The following TPTE variants were observed in gnomAD, a reference collection of about 807,000 sequenced individuals.
TPTE encodes transmembrane phosphatase with tensin homology, also known as putative tyrosine-protein phosphatase TPTE.
A neutral mutation model predicts 84.1 loss-of-function variants in TPTE; 59 were observed. That is an observed-to-expected ratio of 0.70 (90% CI 0.57 to 0.87). The LOEUF is 0.87. Among genes scored for constraint, TPTE ranks in the 40% least tolerant of loss-of-function variants. TPTE has a pLI of 0.00. For synonymous variants in TPTE, 130 were observed against 223.5 expected (o/e 0.58, Z 3.73); for missense variants, 382 against 659.6 (o/e 0.58, Z 4.61).
intron 14 of TPTE, among the ~76,000 whole-genome samples, chr21:10,570,976 C>T (rs1407872695): frequency 2.0e-5 from 3 of 152,302 alleles, no homozygotes; most frequent in African/African-American, 4.8e-5. Flanking sequence ...AGGCCCATCC[C>T]ATCTGGCACC....
chr21:10,552,504 C>T (rs1165924322), intron 7 of TPTE, among the ~76,000 whole-genome samples, 153 bp from the exon 8 acceptor site: 1 of 152,304 alleles, frequency 6.6e-6, no homozygotes, highest in East Asian at 1.9e-4. Flanking sequence ...TTGTAATTTT[C>T]TCTCTTAAAT....
In TPTE at chr21:10,592,285, T is replaced by C; in HGVS notation, c.1090-8T>C. ...TGAACCATGGTTGGATTGTACCCTT[T>C]TTTGTAGGAAAGCCTGTATTATTTT... On this transcript the variant is annotated splice_polypyrimidine_tract_variant and splice_region_variant and intron_variant, in intron 18 of 23. Transcript: ENST00000618007. The C allele has an allele frequency of 6.2e-7, 1 of 1,613,126 alleles. No homozygotes were observed. Among genetic ancestry groups the C allele is most frequent in the Non-Finnish European group, 8.5e-7 (1 of 1,179,168 alleles).
chr21:10,600,928 A>AG (rs542798556), intron 21 of TPTE, among the ~76,000 whole-genome samples: 1 of 152,308 alleles, frequency 6.6e-6, no homozygotes, highest in Non-Finnish European at 1.5e-5. Context: ...CATGATGAGC[A>AG]GGGGGACCCC....
chr21:10,522,803 T>A lies in TPTE; in HGVS notation c.-211+1109T>A, dbSNP rs550998946. On this transcript the variant is annotated intron_variant, in intron 1 of 23. Transcript: ENST00000618007. ...ATGTGATGTTTCAGTACATTTTACA[T>A]TGCATAATGATCAAATCATGGTAAT... 5.9e-5 allele frequency among the ~76,000 whole-genome samples: 9 copies of A among 152,422 alleles called. No homozygotes were observed. The South Asian group carries it at 1.7e-3, about 28-fold the overall frequency.
At position 10,554,233 on chromosome 21, in the gene TPTE, TAGTC is replaced by T. The variant is rs370272573; in HGVS notation, c.233+1520_233+1523del. ...TGTAGATGTGCTATAATTCATTTAA[TAGTC>T]AGATATTGCTGAACAATTCAGTTTT... On this transcript the variant is annotated intron_variant, in intron 8 of 23. Coordinates refer to ENST00000618007, the MANE Select transcript of TPTE (RefSeq NM_199261.4). Among the ~76,000 whole-genome samples, 148 of 152,312 alleles carry T rather than the reference TAGTC, an allele frequency of 9.7e-4. No individual in the cohort carries two copies. In the East Asian group the frequency reaches 0.013, roughly 13 times the overall value.
At chr21:10,539,306 C>T (rs867431979) in intron 4 of TPTE, among the ~76,000 whole-genome samples, 1,346 of 151,766 alleles carry the variant, frequency 8.9e-3, no homozygotes, top group African/African-American at 0.031. Context: ...GCTCTGTCAA[C>T]ATATGAGGTT....
At chr21:10,589,274 C>A (rs1308513783) in intron 17 of TPTE, among the ~76,000 whole-genome samples, 1 of 152,302 alleles carries the variant, frequency 6.6e-6, no homozygotes, top group Non-Finnish European at 1.5e-5. Context: ...GCTTCTGCAG[C>A]CCTATGCACT....
chr21:10,543,717 T>G (rs1479362385), intron 7 of TPTE, among the ~76,000 whole-genome samples: 1 of 150,244 alleles, frequency 6.7e-6, no homozygotes, highest in Non-Finnish European at 1.5e-5. Flanking sequence ...CTTCTTCCTG[T>G]TAGTGTATTT....
At chr21:10,549,177 G>A (rs1259269743) in intron 7 of TPTE, among the ~76,000 whole-genome samples, 3 of 152,302 alleles carry the variant, frequency 2.0e-5, no homozygotes, top group African/African-American at 4.8e-5. Flanking sequence ...TAGAACCAAG[G>A]CCGGTATACC....
intron 19 of TPTE, among the ~76,000 whole-genome samples, chr21:10,593,194 T>C (rs2075518766): frequency 6.6e-6 from 1 of 152,308 alleles, no homozygotes; most frequent in South Asian, 2.1e-4. Context: ...TCTGAGTTAT[T>C]GTAAAGGAAA....
chr21:10,558,509 A>G (rs912500609), intron 8 of TPTE, among the ~76,000 whole-genome samples: 109 of 152,376 alleles, frequency 7.2e-4, no homozygotes, highest in African/African-American at 1.8e-3. Flanking sequence ...TGTGATATTG[A>G]GCTTTTCTTC....
In TPTE at chr21:10,595,951, C is replaced by A. The variant is rs765664241; in HGVS notation, c.1171-31C>A. On this transcript the variant is annotated intron_variant, in intron 19 of 23. Coordinates refer to ENST00000618007, the MANE Select transcript of TPTE (RefSeq NM_199261.4). Reference sequence around the variant, plus strand: ...ATGCCGACTTTAGACTTTTCATCTCCACTTAAAGGAAGATTTCTGTTGCTT... The same window carrying A: ...ATGCCGACTTTAGACTTTTCATCTCAACTTAAAGGAAGATTTCTGTTGCTT... 2.5e-6 allele frequency: 4 copies of A among 1,610,630 alleles called. No homozygotes were observed. The South Asian group carries it at 3.3e-5, about 13-fold the overall frequency.
At chr21:10,523,546 C>A (rs34361445) in intron 1 of TPTE, among the ~76,000 whole-genome samples, 1 of 152,094 alleles carries the variant, frequency 6.6e-6, no homozygotes, top group Non-Finnish European at 1.5e-5. Flanking sequence ...TGAGAATATG[C>A]AGTGTTTGGT....
intron 7 of TPTE, among the ~76,000 whole-genome samples, chr21:10,548,003 C>T (rs1281154319): frequency 2.0e-5 from 3 of 152,426 alleles, no homozygotes; most frequent in African/African-American, 7.2e-5. Context: ...ACCTGAGAAA[C>T]AGCCTTGCGG....
At chr21:10,581,821 C>A (rs866497407) in intron 17 of TPTE, among the ~76,000 whole-genome samples, 4,466 of 143,116 alleles carry the variant, frequency 0.031, no homozygotes, top group African/African-American at 0.12. Flanking sequence ...CAGCCTGAAC[C>A]TCCCGGGGTT....
At chr21:10,542,557 A>T (rs2074389372) in intron 6 of TPTE, 109 bp downstream of exon 6, 1 of 1,342,260 alleles carries the variant, frequency 7.5e-7, no homozygotes. Flanking sequence ...CCATCCATCC[A>T]TCCATTCATC....
intron 14 of TPTE, among the ~76,000 whole-genome samples, chr21:10,576,848 T>TATAG (rs2075163648): frequency 8.6e-5 from 2 of 23,360 alleles, no homozygotes; most frequent in Non-Finnish European, 1.6e-4. Context: ...CATATATATA[T>TATAG]ATATATATAT....
intron 19 of TPTE, among the ~76,000 whole-genome samples, chr21:10,594,487 TA>T: frequency 6.6e-6 from 1 of 152,312 alleles, no homozygotes; most frequent in South Asian, 2.1e-4. Context: ...GTGTTGGTTG[TA>T]TTAATTTCTA....
At position 10,557,101 on chromosome 21, in the gene TPTE, C is replaced by T. The variant is rs576854397; in HGVS notation, c.234-2393C>T. On this transcript the variant is annotated intron_variant, in intron 8 of 23. Transcript: ENST00000618007. ...TGTTGCCATTGCTTTTGTTCACCTGCTACATTTTTGTTCTTCATTTTGATT... is the reference window on the plus strand; with the variant it reads ...TGTTGCCATTGCTTTTGTTCACCTGTTACATTTTTGTTCTTCATTTTGATT... Among the ~76,000 whole-genome samples, 3 of 152,420 alleles carry T rather than the reference C, an allele frequency of 2.0e-5. No homozygotes were observed. The South Asian group carries it at 6.2e-4, about 32-fold the overall frequency.
Sources: allele counts gnomAD v4.1 joint callset (sites outside exome capture counted in the v4.1 genomes callset), GRCh38; gene constraint gnomAD v4.1.1; transcripts MANE v1.5; gene names NCBI Gene and HGNC (gene_info 2026-07-23, HGNC 2026-07-21).